The following AKAP6 variants were observed in gnomAD, a reference collection of about 807,000 sequenced individuals.
AKAP6 encodes A-kinase anchoring protein 6.
A neutral mutation model predicts 188.5 loss-of-function variants in AKAP6; 58 were observed. The observed-to-expected ratio is 0.31, with a 90% CI of 0.25 to 0.38. The LOEUF is 0.38. Ranked by LOEUF, AKAP6 falls within the 10% of genes least tolerant of loss-of-function variation. AKAP6 has a pLI of 1.00. For synonymous variants in AKAP6, 989 were observed against 998.6 expected, an observed-to-expected ratio of 0.99 and a Z score of 0.18; for missense variants, 2,710 against 2,740.0, an observed-to-expected ratio of 0.99 and a Z score of 0.24.
At chr14:32,534,983 AC>A (rs141794315) in intron 2 of AKAP6, among the ~76,000 whole-genome samples, 1 of 140,770 alleles carries the variant, frequency 7.1e-6, no homozygotes, top group Non-Finnish European at 1.5e-5. Flanking sequence ...AAAAACAAAA[AC>A]AAACCAAAAA....
intron 2 of AKAP6, 74 bp downstream of exon 2, chr14:32,433,891 A>T: frequency 1.4e-6 from 2 of 1,404,802 alleles, no homozygotes; most frequent in South Asian, 2.7e-5. Context: ...TGTGTTCTGT[A>T]ATTTCCAGTG....
intron 1 of AKAP6, among the ~76,000 whole-genome samples, chr14:32,371,586 C>G (rs1426410087): frequency 6.6e-6 from 1 of 152,132 alleles, no homozygotes; most frequent in Non-Finnish European, 1.5e-5. Flanking sequence ...GGTGACAGAG[C>G]AAGACCCTGT....
At chr14:32,659,152 G>A (rs559862230) in intron 7 of AKAP6, among the ~76,000 whole-genome samples, 4 of 152,206 alleles carry the variant, frequency 2.6e-5, no homozygotes, top group South Asian at 2.1e-4. Flanking sequence ...CGATGATTCC[G>A]CTGTTGCTAC....
intron 2 of AKAP6, among the ~76,000 whole-genome samples, chr14:32,533,171 A>T (rs986110453): frequency 6.6e-6 from 1 of 152,214 alleles, no homozygotes; most frequent in African/African-American, 2.4e-5. Context: ...ACCAAAGATA[A>T]CGCCATGCTT....
At chr14:32,458,195 A>G (rs993811392) in intron 2 of AKAP6, among the ~76,000 whole-genome samples, 1 of 152,178 alleles carries the variant, frequency 6.6e-6, no homozygotes, top group Admixed American at 6.5e-5. Context: ...CTACTTAGAA[A>G]AAACAATTTT....
intron 2 of AKAP6, among the ~76,000 whole-genome samples, chr14:32,523,791 T>TAAAAAAAAAAAAAAAAAA (rs55994452): frequency 9.3e-6 from 1 of 107,124 alleles, no homozygotes. Context: ...TCCTCCTGAT[T>TAAAAAAAAAAAAAAAAAA]AAAAAAAAAA....
intron 7 of AKAP6, among the ~76,000 whole-genome samples, chr14:32,673,646 A>T (rs1014411214): frequency 3.3e-5 from 5 of 152,170 alleles, no homozygotes; most frequent in African/African-American, 1.2e-4. Flanking sequence ...GAGGTAGGAG[A>T]TTCGCTTGAA....
rs557675168 is a variant in AKAP6 at position 32,517,765 on chromosome 14, T to G, written c.325-17789T>G. Among the ~76,000 whole-genome samples, 8 of 152,288 alleles carry G rather than the reference T, an allele frequency of 5.3e-5. No homozygotes were observed. In the East Asian group the frequency reaches 1.5e-3, roughly 29 times the overall value. ...CCTACCTCTGTAGACTCCACCTCTGTGGGCAGGGCATAGCTGAACAAAAGG... is the reference window on the plus strand; with the variant it reads ...CCTACCTCTGTAGACTCCACCTCTGGGGGCAGGGCATAGCTGAACAAAAGG... On this transcript the variant is annotated intron_variant, in intron 2 of 13. Transcript: ENST00000280979.
chr14:32,721,009 A>G lies in AKAP6; in HGVS notation c.3001-11445A>G, dbSNP rs2030504670. Among the ~76,000 whole-genome samples the G allele has an allele frequency of 2.0e-5, 3 of 152,222 alleles. No individual in the cohort carries two copies. In the South Asian group the frequency reaches 6.2e-4, roughly 32 times the overall value. On this transcript the variant is annotated intron_variant, in intron 9 of 13. Coordinates refer to ENST00000280979, the MANE Select transcript of AKAP6 (RefSeq NM_004274.5). ...AAAGGAGAAAACTGAGTTTCATTAC[A>G]TTAATTGCTGCGCCTCAAGTCTTTT...
chr14:32,431,674 G>A (rs543971471), intron 1 of AKAP6, among the ~76,000 whole-genome samples: 3 of 152,094 alleles, frequency 2.0e-5, no homozygotes, highest in East Asian at 1.9e-4. Context: ...CACTACACCC[G>A]GCTAATTTTT....
chr14:32,418,041 G>A (rs1248871134), intron 1 of AKAP6: 1 of 152,156 alleles, frequency 6.6e-6, no homozygotes, highest in East Asian at 1.9e-4. Context: ...GTTATGACAA[G>A]CAGAATTTGT....
At chr14:32,694,035 CAT>C (rs1359535522) in intron 8 of AKAP6, among the ~76,000 whole-genome samples, 3 of 152,060 alleles carry the variant, frequency 2.0e-5, no homozygotes, top group African/African-American at 7.2e-5. Context: ...TCAGATTTCA[CAT>C]ATATGCTGGA....
chr14:32,532,419 C>A lies in AKAP6; in HGVS notation c.325-3135C>A, dbSNP rs184147483. 1.7e-3 allele frequency among the ~76,000 whole-genome samples: 258 copies of A among 152,286 alleles called. 1 individual carries two copies. Among genetic ancestry groups the A allele is most frequent in the African/African-American group, 5.9e-3 (247 of 41,572 alleles). On this transcript the variant is annotated intron_variant, in intron 2 of 13. Transcript: ENST00000280979. The stretch of plus-strand genomic sequence containing the variant: ...ATGTGAAAACCTAAGTTAACTGGCA[C>A]CAATGATACCTTAGTGCCCTTTATA...
Position 32,723,628 on chromosome 14 carries a change from A to C in AKAP6, c.3001-8826A>C, listed in dbSNP as rs1479412843. 2.0e-5 allele frequency among the ~76,000 whole-genome samples: 3 copies of C among 150,984 alleles called. No homozygotes were observed. In the East Asian group the frequency reaches 5.9e-4, roughly 29 times the overall value. On this transcript the variant is annotated intron_variant, in intron 9 of 13. Transcript: ENST00000280979. ...AAATGTATATGTCTTGCCATACTGAACCCATGTTGAAGCCGTATTTCCACA... is the reference window on the plus strand; with the variant it reads ...AAATGTATATGTCTTGCCATACTGACCCCATGTTGAAGCCGTATTTCCACA...
At position 32,450,595 on chromosome 14, in the gene AKAP6, G is replaced by A. The variant is rs78425572; in HGVS notation, c.324+16778G>A. 2.1e-4 allele frequency among the ~76,000 whole-genome samples: 32 copies of A among 152,222 alleles called. 1 individual carries two copies. In the East Asian group the frequency reaches 2.1e-3, roughly 10 times the overall value. The stretch of plus-strand genomic sequence containing the variant: ...GTATACTTTCTCTTTCAAAAATCAA[G>A]TGCATAGTACTGAACATACCTAAAG... On this transcript the variant is annotated intron_variant, in intron 2 of 13. Transcript: ENST00000280979.
intron 2 of AKAP6, chr14:32,495,514 G>A (rs1047693208): frequency 2.6e-5 from 4 of 152,106 alleles, no homozygotes; most frequent in Non-Finnish European, 5.9e-5. Context: ...CACATAGCAC[G>A]TTTATGTTAG....
chr14:32,421,497 T>C (rs768255407), intron 1 of AKAP6, among the ~76,000 whole-genome samples: 1 of 152,184 alleles, frequency 6.6e-6, no homozygotes, highest in Non-Finnish European at 1.5e-5. Flanking sequence ...AATATTTCTT[T>C]TGAAATATAG....
intron 1 of AKAP6, among the ~76,000 whole-genome samples, chr14:32,355,766 C>A (rs576810603): frequency 4.7e-5 from 7 of 148,172 alleles, no homozygotes; most frequent in African/African-American, 1.8e-4. Flanking sequence ...ATTGTGATTT[C>A]TTTTCTTTTC....
At chr14:32,564,832 T>C (rs554761147) in intron 4 of AKAP6, among the ~76,000 whole-genome samples, 1 of 152,294 alleles carries the variant, frequency 6.6e-6, no homozygotes, top group South Asian at 2.1e-4. Flanking sequence ...TGGCAGCAAA[T>C]ACTTTCTTTC....
Sources: gnomAD v4.1 joint callset for allele counts (sites outside exome capture counted in the v4.1 genomes callset) on GRCh38, gnomAD v4.1.1 for gene constraint, MANE v1.5 for transcripts, NCBI Gene and HGNC (gene_info 2026-07-23, HGNC 2026-07-21) for gene names.